HTR5A: variants seen among roughly 807,000 people sequenced by gnomAD.
The protein encoded by HTR5A is 5-HT-5.
Under a neutral mutation model 24.3 loss-of-function variants are expected in HTR5A, and 21 were observed. That is an observed-to-expected ratio of 0.86 (90% confidence interval 0.61 to 1.24). The LOEUF (loss-of-function observed/expected upper bound fraction) is 1.24, where lower values mean the gene tolerates loss of function less well. Ranked by LOEUF, HTR5A falls within the 50% of genes most tolerant of loss-of-function variation. The probability of loss-of-function intolerance (pLI) is 0.00; values close to 1 mark genes in which losing one functional copy is unlikely to be tolerated. For synonymous variants in HTR5A, 260 were observed against 213.7 expected (o/e 1.22, Z -1.89); for missense variants, 497 against 489.5 (o/e 1.02, Z -0.15).
At chr7:155,073,708 G>A (rs1795324019) in intron 1 of HTR5A, among the ~76,000 whole-genome samples, 1 of 151,714 alleles carries the variant, frequency 6.6e-6, no homozygotes. Flanking sequence ...GCTTTAGAAG[G>A]AGAAAGTTAA....
chr7:155,076,342 T>A (rs10216194), intron 1 of HTR5A, among the ~76,000 whole-genome samples: 46,347 of 151,820 alleles, frequency 0.31, 7,359 homozygotes, highest in East Asian at 0.38. Context: ...TATGTTAAAT[T>A]AGTGAATTAT....
Position 155,084,288 on chromosome 7 carries a change from G to A in HTR5A, c.875G>A (p.Gly292Asp). The A allele has an allele frequency of 1.2e-6, 2 of 1,614,128 alleles. No homozygotes were observed. Among genetic ancestry groups the A allele is most frequent in the Middle Eastern group, 1.6e-4 (1 of 6,062 alleles). ...RAALMVGILI[G>D]VFVLCWIPFF... ...GCCCTCATGGTGGGCATCCTCATTGGCGTGTTCGTGCTCTGCTGGATCCCC... is the reference window on the plus strand; with the variant it reads ...GCCCTCATGGTGGGCATCCTCATTGACGTGTTCGTGCTCTGCTGGATCCCC... Residue 292 changes from glycine to aspartate, a missense_variant, in exon 2 of 2, where the codon GGC (glycine) becomes GAC (aspartate). Coordinates refer to ENST00000287907, the MANE Select transcript of HTR5A (RefSeq NM_024012.4).
Position 155,084,460 on chromosome 7 carries a change from C to T in HTR5A, c.1047C>T (p.Phe349=), listed in dbSNP as rs145572673. The part of the protein sequence containing the change: ...TAFNKNYNSA[F]KNFFSRQH ...TCAACAAGAACTACAACAGCGCCTT[C>T]AAGAACTTCTTTTCTAGGCAACACT... is the stretch of plus-strand genomic sequence containing the variant. Residue 349 remains phenylalanine (F), a synonymous_variant, in exon 2 of 2, where the codon TTC becomes TTT. Coordinates refer to ENST00000287907, the MANE Select transcript of HTR5A (RefSeq NM_024012.4). 2.6e-5 allele frequency: 42 copies of T among 1,612,884 alleles called. No homozygotes were observed. In the African/African-American group the frequency reaches 5.2e-4, roughly 20 times the overall value.
In HTR5A at chr7:155,084,655, A is replaced by G; in HGVS notation, c.*168A>G. On this transcript the variant is annotated 3_prime_UTR_variant, in exon 2 of 2. Coordinates refer to ENST00000287907, the MANE Select transcript of HTR5A (RefSeq NM_024012.4). ...CCTCTTTTCCACCTCCTCAGTAGGA[A>G]TATGACTCCTCATAGAGTTACGGTG... 1 of 605,720 alleles carries G rather than the reference A, an allele frequency of 1.7e-6. No individual in the cohort carries two copies. The highest frequency in any genetic ancestry group is 2.9e-6 in the Non-Finnish European group (1 of 343,750). 37.5% of individuals were successfully genotyped at this position (605,720 alleles called of 1,614,324 possible).
Position 155,086,394 on chromosome 7 carries a change from G to C in HTR5A, c.*1907G>C, listed in dbSNP as rs1446623545. 2.0e-5 allele frequency among the ~76,000 whole-genome samples: 3 copies of C among 152,226 alleles called. No homozygotes were observed. Among genetic ancestry groups the C allele is most frequent in the Admixed American group, 6.5e-5 (1 of 15,288 alleles). ...AAAAAAGTTCATACTCTTCAGTAAA[G>C]CGAAGCTTGAGGAAGATGTGCCACA... is the stretch of plus-strand genomic sequence containing the variant. On this transcript the variant is annotated 3_prime_UTR_variant, in exon 2 of 2. Transcript: ENST00000287907.
chr7:155,078,133 TATCTC>T (rs1795377868), intron 1 of HTR5A, among the ~76,000 whole-genome samples: 1 of 152,186 alleles, frequency 6.6e-6, no homozygotes, highest in Non-Finnish European at 1.5e-5. Flanking sequence ...CAGGGATCCT[TATCTC>T]AGCTCTCAAA....
chr7:155,072,108 G>A (rs1795304278), intron 1 of HTR5A, among the ~76,000 whole-genome samples: 1 of 152,188 alleles, frequency 6.6e-6, no homozygotes, highest in African/African-American at 2.4e-5. Context: ...TGAGTCAGGT[G>A]ATGCAGGTTA....
chr7:155,079,380 A>G (rs779231494), intron 1 of HTR5A, among the ~76,000 whole-genome samples: 3 of 152,264 alleles, frequency 2.0e-5, no homozygotes, highest in Admixed American at 6.5e-5. Flanking sequence ...TGGTTCATTT[A>G]GGAAGTCAGA....
chr7:155,072,033 G>A (rs1364763756), intron 1 of HTR5A, among the ~76,000 whole-genome samples: 1 of 152,190 alleles, frequency 6.6e-6, no homozygotes, highest in South Asian at 2.1e-4. Context: ...CCAGCACTTA[G>A]AATGGGGGTG....
rs780884457 is a variant in HTR5A, at chr7:155,073,850, CAT to C, written c.741+2213_741+2214del. 4.1e-4 allele frequency among the ~76,000 whole-genome samples: 38 copies of C among 92,704 alleles called. 2 individuals are homozygous for C. Among genetic ancestry groups the C allele is most frequent in the African/African-American group, 1.7e-3 (37 of 22,198 alleles). 60.8% of individuals were successfully genotyped at this position (92,704 alleles called of 152,430 possible). ...ATAGATACACACACACATATATATACATATGTGTGTGTGTGTATATATATATG... is the reference window on the plus strand; with the variant it reads ...ATAGATACACACACACATATATATACATGTGTGTGTGTGTATATATATATG... On this transcript the variant is annotated intron_variant, in intron 1 of 1. Transcript: ENST00000287907.
At chr7:155,078,977 G>A (rs1226162095) in intron 1 of HTR5A, among the ~76,000 whole-genome samples, 9 of 145,748 alleles carry the variant, frequency 6.2e-5, no homozygotes, top group African/African-American at 2.3e-4. Flanking sequence ...TTTTTTTGAG[G>A]CAGGGTCTTG....
rs1215483807 is a variant in HTR5A, at chr7:155,085,437, C to T, written c.*950C>T. 2 of 152,198 alleles carry T rather than the reference C, an allele frequency of 1.3e-5. No homozygotes were observed. Among genetic ancestry groups the T allele is most frequent in the Non-Finnish European group, 2.9e-5 (2 of 68,042 alleles). The allele number at this position is 152,198 out of a possible 1,614,324, so 9.4% of individuals were successfully genotyped here. ...AAGGCACATTCACCAAACACAGGCA[C>T]TTTAAGGGCATCCTTGATTAATTTG... On this transcript the variant is annotated 3_prime_UTR_variant, in exon 2 of 2. Transcript: ENST00000287907.
At position 155,070,485 on chromosome 7, in the gene HTR5A, G is replaced by C. The variant is rs1563417223; in HGVS notation, c.-415G>C. On this transcript the variant is annotated 5_prime_UTR_variant, in exon 1 of 2. Transcript: ENST00000287907. ...AGAAGGGTGGGCAGGGAGACAACGC[G>C]GTGAGAGCGACTGCTCTGACGCACC... 1 of 391,432 alleles carries C rather than the reference G, an allele frequency of 2.6e-6. No homozygotes were observed. The highest frequency in any genetic ancestry group is 2.1e-5 in the African/African-American group (1 of 47,692). The allele number at this position is 391,432 out of a possible 1,614,324, so 24.2% of individuals were successfully genotyped here.
chr7:155,078,381 C>T (rs1795380157), intron 1 of HTR5A, among the ~76,000 whole-genome samples: 2 of 152,284 alleles, frequency 1.3e-5, no homozygotes, highest in Middle Eastern at 3.4e-3. Context: ...TGGGTATACA[C>T]AAATATGCTG....
At chr7:155,083,858 G>A (rs1795445296) in intron 1 of HTR5A, among the ~76,000 whole-genome samples, 1 of 152,164 alleles carries the variant, frequency 6.6e-6, no homozygotes, top group Admixed American at 6.5e-5. Flanking sequence ...ATGCCATGTT[G>A]CCTGCTCGTT....
At chr7:155,079,840 G>A (rs992947626) in intron 1 of HTR5A, among the ~76,000 whole-genome samples, 22 of 152,310 alleles carry the variant, frequency 1.4e-4, no homozygotes, top group Admixed American at 7.8e-4. Flanking sequence ...ATGATTGTCC[G>A]CACAACTATC....
chr7:155,073,889 GTATA>G (rs1169692099), intron 1 of HTR5A, among the ~76,000 whole-genome samples: 42 of 9,646 alleles, frequency 4.4e-3, no homozygotes, highest in Admixed American at 8.6e-3. Context: ...ATATATATAT[GTATA>G]TATATATATA....
intron 1 of HTR5A, among the ~76,000 whole-genome samples, chr7:155,076,911 T>C (rs1335086485): frequency 6.6e-6 from 1 of 152,202 alleles, no homozygotes; most frequent in Admixed American, 6.5e-5. Flanking sequence ...AGCGGTGAAC[T>C]TAAAATAAGC....
At chr7:155,071,950 A>C (rs1795300828) in intron 1 of HTR5A, among the ~76,000 whole-genome samples, 1 of 151,888 alleles carries the variant, frequency 6.6e-6, no homozygotes, top group South Asian at 2.1e-4. Flanking sequence ...GATCTATAAC[A>C]CCCTTTAGAA....
Sources: gnomAD v4.1 joint callset for allele counts (sites outside exome capture counted in the v4.1 genomes callset) on GRCh38, gnomAD v4.1.1 for gene constraint, MANE v1.5 for transcripts, NCBI Gene and HGNC (gene_info 2026-07-23, HGNC 2026-07-21) for gene names.